The following SURF6 variants were observed in gnomAD, a reference collection of about 807,000 sequenced individuals.
The protein encoded by SURF6 is surfeit locus protein 6.
A neutral mutation model predicts 37.5 loss-of-function variants in SURF6; 28 were observed. The ratio of observed to expected loss-of-function variants is 0.75; its 90% confidence interval spans 0.55 to 1.02. SURF6 has a LOEUF of 1.02. SURF6 is among the 50% of genes least tolerant of loss of function. SURF6 has a pLI of 0.00. For missense variants in SURF6, 560 were observed against 490.5 expected (o/e 1.14, Z -1.34); for synonymous variants, 248 against 210.9 (o/e 1.18, Z -1.52).
In SURF6 at chr9:133,334,604, G is replaced by A; in HGVS notation, c.95-3C>T. 6.2e-7 allele frequency: 1 copy of A among 1,606,184 alleles called. No individual in the cohort carries two copies. Among genetic ancestry groups the A allele is most frequent in the Non-Finnish European group, 8.5e-7 (1 of 1,179,446 alleles). On this transcript the variant is annotated splice_polypyrimidine_tract_variant and splice_region_variant and intron_variant, in intron 1 of 4. Transcript: ENST00000372022. Reference sequence around the variant, plus strand: ...TTCTGAGCCTTGAGTTTTGCCAGCTGAAATGCAAAATAAGAAAGAGTTAAG... The same window carrying A: ...TTCTGAGCCTTGAGTTTTGCCAGCTAAAATGCAAAATAAGAAAGAGTTAAG...
chr9:133,329,836 AT>A lies in SURF6; in HGVS notation c.*2032del, dbSNP rs1835681367. On this transcript the variant is annotated 3_prime_UTR_variant, in exon 5 of 5. Coordinates refer to ENST00000372022, the MANE Select transcript of SURF6 (RefSeq NM_006753.6). ...CCTGGGTGGCTTGCCGCCCACAGGT[AT>A]TTGGTAACTTCCCTTTCTCTTACCT... 6.6e-6 allele frequency: 1 copy of A among 152,170 alleles called. No individual in the cohort carries two copies. The highest frequency in any genetic ancestry group is 1.5e-5 in the Non-Finnish European group (1 of 68,038). The allele number at this position is 152,170 out of a possible 1,614,324, so 9.4% of individuals were successfully genotyped here. A position where few individuals can be genotyped will look rare whatever the true frequency, so the allele number is the denominator to read the frequency against.
chr9:133,334,120 G>A (rs1300426204), intron 2 of SURF6, among the ~76,000 whole-genome samples: 2 of 152,120 alleles, frequency 1.3e-5, no homozygotes, highest in African/African-American at 4.8e-5. Context: ...AGACCTGAGG[G>A]CAGGGAAGCT....
At position 133,334,664 on chromosome 9, in the gene SURF6, G is replaced by C. The variant is rs1030446126; in HGVS notation, c.95-63C>G. 1.1e-5 allele frequency: 17 copies of C among 1,562,014 alleles called. No homozygotes were observed. The Admixed American group carries it at 1.2e-4, about 11-fold the overall frequency. ...CATGGCCCATTCAATAGGCAGGAAA[G>C]GCTCACCAAGGCTTTGATCCCAGGA... On this transcript the variant is annotated intron_variant, in intron 1 of 4. Coordinates refer to ENST00000372022, the MANE Select transcript of SURF6 (RefSeq NM_006753.6).
rs1360753862 is a variant in SURF6 at position 133,328,789 on chromosome 9, T to G, written c.*3080A>C. The G allele has an allele frequency of 6.6e-6, 1 of 152,218 alleles. No homozygotes were observed. Among genetic ancestry groups the G allele is most frequent in the East Asian group, 1.9e-4 (1 of 5,186 alleles). 9.4% of individuals were successfully genotyped at this position (152,218 alleles called of 1,614,324 possible). ...AATCCAGTGTGGCACTTTGCTAAAC[T>G]TGGTTTATTATTGTCTAAAATCTTG... is the stretch of plus-strand genomic sequence containing the variant. On this transcript the variant is annotated 3_prime_UTR_variant, in exon 5 of 5. Transcript: ENST00000372022.
In SURF6 at chr9:133,331,936, C is replaced by A. The variant is rs2129912789; in HGVS notation, c.1019G>T (p.Arg340Leu). Residue 340 changes from arginine (R) to leucine (L), a missense_variant, in exon 5 of 5, where the codon CGC becomes CTC. Transcript: ENST00000372022. ...RRKKAARAER[R>L]LLRARKKGRI... The stretch of plus-strand genomic sequence containing the variant: ...GCCCTTCTTGCGGGCTCTGAGCAGG[C>A]GGCGCTCGGCGCGGGCCGCCTTCTT... 5.1e-6 allele frequency: 8 copies of A among 1,582,270 alleles called. No homozygotes were observed. The South Asian group carries it at 6.8e-5, about 13-fold the overall frequency.
chr9:133,332,403 T>C, intron 4 of SURF6, 55 bp from the exon 5 acceptor site: 1 of 1,535,032 alleles, frequency 6.5e-7, no homozygotes, highest in Non-Finnish European at 8.7e-7. Context: ...GCCCCAGCCT[T>C]GGCCAGTACC....
chr9:133,332,779 C>T lies in SURF6; in HGVS notation c.394-19G>A. 1 of 1,606,528 alleles carries T rather than the reference C, an allele frequency of 6.2e-7. No individual in the cohort carries two copies. The highest frequency in any genetic ancestry group is 8.5e-7 in the Non-Finnish European group (1 of 1,178,790). Reference sequence around the variant, plus strand: ...CACTGCCCTGGGGGAAAGAGGCACCCACTCATTAAAGTTCTCTCGATCCCA... The same window carrying T: ...CACTGCCCTGGGGGAAAGAGGCACCTACTCATTAAAGTTCTCTCGATCCCA... On this transcript the variant is annotated intron_variant, in intron 3 of 4. Transcript: ENST00000372022.
intron 1 of SURF6, among the ~76,000 whole-genome samples, chr9:133,335,809 G>A (rs1008863577): frequency 2.0e-5 from 3 of 152,166 alleles, no homozygotes; most frequent in East Asian, 3.8e-4. Context: ...CCGGGAGACG[G>A]AGCTTGCAGT....
rs199906169 is a variant in SURF6 at position 133,332,193 on chromosome 9, G to A, written c.762C>T (p.Arg254=). 4.8e-5 allele frequency: 78 copies of A among 1,609,026 alleles called. No individual in the cohort carries two copies. The highest frequency in any genetic ancestry group is 6.4e-5 in the Non-Finnish European group (75 of 1,179,936). ...CCTGCGCCTTCCCCTCATCCTGGCC[G>A]CGCAGCTCGTCCAGCCGGCTCTGCC... ...QARQSRLDEL[R]GQDEGKAQEL... Residue 254 remains arginine (R), a synonymous_variant, in exon 5 of 5, where the codon CGC becomes CGT. Coordinates refer to ENST00000372022, the MANE Select transcript of SURF6 (RefSeq NM_006753.6).
rs1230460069 is a variant in SURF6 at position 133,330,273 on chromosome 9, G to C, written c.*1596C>G. 6.6e-6 allele frequency: 1 copy of C among 152,150 alleles called. No individual in the cohort carries two copies. The highest frequency in any genetic ancestry group is 1.5e-5 in the Non-Finnish European group (1 of 68,046). 9.4% of individuals were successfully genotyped at this position (152,150 alleles called of 1,614,324 possible). ...TTTCTTTTTGAGACAGTCTTGCTCT[G>C]TCACCCAGGCTGGAGTGCAGCGGCT... On this transcript the variant is annotated 3_prime_UTR_variant, in exon 5 of 5. Coordinates refer to ENST00000372022, the MANE Select transcript of SURF6 (RefSeq NM_006753.6).
intron 3 of SURF6, among the ~76,000 whole-genome samples, chr9:133,333,112 G>C (rs2129922516): frequency 2.0e-5 from 3 of 152,124 alleles, no homozygotes; most frequent in East Asian, 3.9e-4. Flanking sequence ...CCTGACCGCT[G>C]CCCATTCTGT....
chr9:133,333,952 T>C, intron 2 of SURF6, 146 bp from the exon 3 acceptor site: 1 of 688,682 alleles, frequency 1.5e-6, no homozygotes, highest in South Asian at 1.7e-5. Context: ...CAACCTGGAC[T>C]GGTTCCTACA....
chr9:133,333,801 G>A lies in SURF6; in HGVS notation c.310C>T (p.Leu104=). 6.2e-7 allele frequency: 1 copy of A among 1,613,476 alleles called. No homozygotes were observed. The highest frequency in any genetic ancestry group is 8.5e-7 in the Non-Finnish European group (1 of 1,179,754). ...SSSAGNPADG[L]ATEPESVFAL... ...AAGACAGACTCAGGCTCAGTGGCCA[G>A]GCCATCTGCAGGGAAGGAGACAGGA... Residue 104 remains leucine (L), a synonymous_variant, in exon 3 of 5, where the codon CTG becomes TTG. Transcript: ENST00000372022.
In SURF6 at chr9:133,331,354, G is replaced by C. The variant is rs1022692246; in HGVS notation, c.*515C>G. ...CAAGAGAGCGGGGAGGAGCCATGGC[G>C]TTCTGCCCCAGGATGCACCACGCCT... On this transcript the variant is annotated 3_prime_UTR_variant, in exon 5 of 5. Transcript: ENST00000372022. The C allele has an allele frequency of 6.5e-6, 1 of 153,808 alleles. No homozygotes were observed. The highest frequency in any genetic ancestry group is 2.1e-4 in the South Asian group (1 of 4,860). The allele number at this position is 153,808 out of a possible 1,614,324, so 9.5% of individuals were successfully genotyped here. A position where few individuals can be genotyped will look rare whatever the true frequency, so the allele number is the denominator to read the frequency against.
At chr9:133,333,026 A>C in intron 3 of SURF6, 1 of 537,132 alleles carries the variant, frequency 1.9e-6, no homozygotes, top group Non-Finnish European at 3.3e-6. Flanking sequence ...ATGGTTTCAA[A>C]TGTCATACAT....
Position 133,331,703 on chromosome 9 carries a change from G to T in SURF6, c.*166C>A. 1 of 868,772 alleles carries T rather than the reference G, an allele frequency of 1.2e-6. No homozygotes were observed. Among genetic ancestry groups the T allele is most frequent in the Non-Finnish European group, 1.6e-6 (1 of 632,418 alleles). 53.8% of individuals were successfully genotyped at this position (868,772 alleles called of 1,614,324 possible). On this transcript the variant is annotated 3_prime_UTR_variant, in exon 5 of 5. Coordinates refer to ENST00000372022, the MANE Select transcript of SURF6 (RefSeq NM_006753.6). Reference sequence around the variant, plus strand: ...CGCTGAAACTCTCTCTTTCTCACATGGGATCTGTGATCTGGGCCCTCACAA... The same window carrying T: ...CGCTGAAACTCTCTCTTTCTCACATTGGATCTGTGATCTGGGCCCTCACAA...
rs1424399529 is a variant in SURF6, at chr9:133,331,953, C to T, written c.1002G>A (p.Ala334=). Residue 334 remains alanine (A), a synonymous_variant, in exon 5 of 5, where the codon GCG becomes GCA. Transcript: ENST00000372022. ...TGAGCAGGCGGCGCTCGGCGCGGGC[C>T]GCCTTCTTCCTGCGCAGGTTCTGCC... is the stretch of plus-strand genomic sequence containing the variant. ...RRRQNLRRKK[A]ARAERRLLRA... The T allele has an allele frequency of 1.9e-6, 3 of 1,593,014 alleles. No homozygotes were observed. Among genetic ancestry groups the T allele is most frequent in the East Asian group, 2.2e-5 (1 of 44,594 alleles).
Position 133,336,109 on chromosome 9 carries a change from G to T in SURF6, c.24C>A (p.Asp8Glu), listed in dbSNP as rs1167760135. 6.2e-7 allele frequency: 1 copy of T among 1,612,488 alleles called. No individual in the cohort carries two copies. Among genetic ancestry groups the T allele is most frequent in the Non-Finnish European group, 8.5e-7 (1 of 1,179,782 alleles). The part of the protein sequence containing the change: MASLLAK[D>E]AYLQSLAKKI... ...TCTTGGCCAGGCTCTGCAGGTAGGCGTCCTTGGCGAGTAGAGAGGCCATGG... is the reference window on the plus strand; with the variant it reads ...TCTTGGCCAGGCTCTGCAGGTAGGCTTCCTTGGCGAGTAGAGAGGCCATGG... The change falls in exon 1 of 5, where the codon GAC becomes GAA. Residue 8 changes from aspartate to glutamate, a missense_variant. By Grantham distance (45) the Asp-to-Glu change is conservative. Coordinates refer to ENST00000372022, the MANE Select transcript of SURF6 (RefSeq NM_006753.6).
Position 133,334,500 on chromosome 9 carries a change from T to C in SURF6, c.196A>G (p.Lys66Glu), listed in dbSNP as rs2129927883. ...RKREEKAAEH[K>E]AKSLGEKSPA... ...GATTTCTCCCCCAAGGACTTGGCCT[T>C]GTGCTCAGCAGCCTTCTCTTCTCGC... The change falls in exon 2 of 5, where the codon AAG becomes GAG. Residue 66 changes from lysine to glutamate, a missense_variant. Lys to Glu is a moderately conservative substitution (Grantham distance 56). Coordinates refer to ENST00000372022, the MANE Select transcript of SURF6 (RefSeq NM_006753.6). 1.9e-6 allele frequency: 3 copies of C among 1,614,152 alleles called. No homozygotes were observed. The highest frequency in any genetic ancestry group is 2.5e-6 in the Non-Finnish European group (3 of 1,180,042).
Sources: allele counts gnomAD v4.1 joint callset (sites outside exome capture counted in the v4.1 genomes callset), GRCh38; gene constraint gnomAD v4.1.1; transcripts MANE v1.5; gene names NCBI Gene and HGNC (gene_info 2026-07-23, HGNC 2026-07-21).